BCAS3: variants seen among roughly 807,000 people sequenced by gnomAD.
The protein encoded by BCAS3 is BCAS4/BCAS3 fusion.
BCAS3 carries 53 observed loss-of-function variants against 116.1 expected under a neutral mutation model. That is an observed-to-expected ratio of 0.46 (90% CI 0.37 to 0.57). BCAS3 has a LOEUF of 0.57. Among genes scored for constraint, BCAS3 ranks in the 20% least tolerant of loss-of-function variants. The pLI is 0.00. For synonymous variants in BCAS3, 391 were observed against 408.2 expected (o/e 0.96, Z 0.51); for missense variants, 917 against 1,165.4 (o/e 0.79, Z 3.10).
At chr17:61,289,541 G>C (rs955777471) in intron 22 of BCAS3, among the ~76,000 whole-genome samples, 2 of 152,180 alleles carry the variant, frequency 1.3e-5, no homozygotes, top group Non-Finnish European at 2.9e-5. Context: ...TGTGGAGTAA[G>C]AGGGACGCCA....
rs1370896548 is a variant in BCAS3 at position 61,378,742 on chromosome 17, G to A, written c.2593+10248G>A. 1 of 152,210 alleles carries A rather than the reference G, an allele frequency of 6.6e-6. No individual in the cohort carries two copies. The highest frequency in any genetic ancestry group is 1.5e-5 in the Non-Finnish European group (1 of 68,054). 9.4% of individuals were successfully genotyped at this position (152,210 alleles called of 1,614,324 possible). A position where few individuals can be genotyped will look rare whatever the true frequency, so the allele number is the denominator to read the frequency against. ...GTAAATGAAAGCCAGTCAAAGCAAT[G>A]GGAATAGTTATTGATTAAAAGTCAC... On this transcript the variant is annotated intron_variant, in intron 23 of 23. Coordinates refer to ENST00000407086, the MANE Select transcript of BCAS3 (RefSeq NM_017679.5). The surrounding 1 kb of genome is among the most constrained non-coding windows in gnomAD (Gnocchi z 5.8).
chr17:60,786,838 A>T (rs889251307), intron 6 of BCAS3, among the ~76,000 whole-genome samples: 3 of 152,262 alleles, frequency 2.0e-5, no homozygotes, highest in East Asian at 1.9e-4. Flanking sequence ...ATGTTTTATT[A>T]TCGACAATCC....
chr17:60,681,176 G>C (rs1481376996), intron 2 of BCAS3, among the ~76,000 whole-genome samples: 1 of 152,154 alleles, frequency 6.6e-6, no homozygotes, highest in Non-Finnish European at 1.5e-5. Flanking sequence ...TTACACTCCA[G>C]CCTAGGTGAC....
chr17:61,151,859 C>T lies in BCAS3; in HGVS notation c.2425+67295C>T, dbSNP rs1271168137. On this transcript the variant is annotated intron_variant, in intron 22 of 23. Transcript: ENST00000407086. The surrounding 1 kb of genome is among the most constrained non-coding windows in gnomAD (Gnocchi z 4.8). Reference sequence around the variant, plus strand: ...ACCACAGGCTTTTCATGCCAATACTCCTCCTGCAAACGTGAATGTTCCTAA... The same window carrying T: ...ACCACAGGCTTTTCATGCCAATACTTCTCCTGCAAACGTGAATGTTCCTAA... 6.6e-6 allele frequency among the ~76,000 whole-genome samples: 1 copy of T among 152,148 alleles called. No individual in the cohort carries two copies. The highest frequency in any genetic ancestry group is 2.4e-5 in the African/African-American group (1 of 41,426).
intron 6 of BCAS3, among the ~76,000 whole-genome samples, chr17:60,774,286 C>T (rs944212000): frequency 2.8e-4 from 42 of 152,126 alleles, no homozygotes; most frequent in Non-Finnish European, 1.0e-4. Flanking sequence ...GCATTTTTCA[C>T]TTACAATTTG....
At chr17:61,015,974 T>C in intron 16 of BCAS3, 73 bp downstream of exon 16, 1 of 1,442,056 alleles carries the variant, frequency 6.9e-7, no homozygotes, top group Non-Finnish European at 9.5e-7. Flanking sequence ...AAACATACTT[T>C]TTCTTTGTGT....
intron 18 of BCAS3, among the ~76,000 whole-genome samples, chr17:61,038,409 C>T (rs2067217370): frequency 1.3e-5 from 2 of 151,550 alleles, no homozygotes; most frequent in Non-Finnish European, 2.9e-5. Context: ...CACGCCACCA[C>T]ACCTAGCTAA....
In BCAS3 at chr17:61,007,446, A is replaced by T. The variant is rs2064794571; in HGVS notation, c.1487-8305A>T. 6.6e-6 allele frequency among the ~76,000 whole-genome samples: 1 copy of T among 152,054 alleles called. No homozygotes were observed. Among genetic ancestry groups the T allele is most frequent in the African/African-American group, 2.4e-5 (1 of 41,418 alleles). ...AGCTTTAAGAAAAGAAAAATACTTA[A>T]ATTTGTATGTTGTAGTAGCCAACAC... On this transcript the variant is annotated intron_variant, in intron 15 of 23. Coordinates refer to ENST00000407086, the MANE Select transcript of BCAS3 (RefSeq NM_017679.5). This position sits in a 1 kb window ranked among gnomAD's most constrained non-coding sequence, Gnocchi z 4.3.
chr17:61,385,755 G>T (rs2059816896), intron 23 of BCAS3, among the ~76,000 whole-genome samples: 1 of 152,270 alleles, frequency 6.6e-6, no homozygotes, highest in Non-Finnish European at 1.5e-5. Flanking sequence ...AGAGCTGAGA[G>T]GTGGATGCAG....
At chr17:61,342,902 A>G (rs1343875008) in intron 22 of BCAS3, among the ~76,000 whole-genome samples, 2 of 152,106 alleles carry the variant, frequency 1.3e-5, no homozygotes, top group Non-Finnish European at 2.9e-5. Context: ...GGCATGTGCC[A>G]CCACATCCAG....
chr17:60,825,572 ATTAT>A (rs1180198541), intron 7 of BCAS3, among the ~76,000 whole-genome samples: 1 of 145,474 alleles, frequency 6.9e-6, no homozygotes, highest in Non-Finnish European at 1.5e-5. Context: ...ATAAATAATT[ATTAT>A]TTATAATAAT....
intron 5 of BCAS3, among the ~76,000 whole-genome samples, chr17:60,736,692 C>T (rs1221258473): frequency 6.6e-6 from 1 of 152,112 alleles, no homozygotes; most frequent in Non-Finnish European, 1.5e-5. Flanking sequence ...GAGTCAATTT[C>T]TTTAATAGGT....
rs1454571931 is a variant in BCAS3, at chr17:61,065,074, G to T, written c.2030-9846G>T. Among the ~76,000 whole-genome samples, 5 of 151,970 alleles carry T rather than the reference G, an allele frequency of 3.3e-5. No individual in the cohort carries two copies. The highest frequency in any genetic ancestry group is 5.9e-5 in the Non-Finnish European group (4 of 67,976). ...TGTGTGTTATTTTTAATCTGAAAGG[G>T]TTCTCCCTTTTTTTAGTCATTTAAA... On this transcript the variant is annotated intron_variant, in intron 19 of 23. Coordinates refer to ENST00000407086, the MANE Select transcript of BCAS3 (RefSeq NM_017679.5). The surrounding 1 kb of genome is among the most constrained non-coding windows in gnomAD (Gnocchi z 4.8).
intron 10 of BCAS3, among the ~76,000 whole-genome samples, chr17:60,900,765 C>T (rs1326364921): frequency 6.6e-6 from 1 of 151,396 alleles, no homozygotes; most frequent in Non-Finnish European, 1.5e-5. Context: ...GAATTTTGCA[C>T]TATTTCTATA....
intron 19 of BCAS3, among the ~76,000 whole-genome samples, chr17:61,070,712 G>A (rs960934142): frequency 7.2e-5 from 11 of 152,058 alleles, no homozygotes; most frequent in African/African-American, 2.7e-4. Flanking sequence ...CCTTCCCACA[G>A]ATAATTTATC....
At chr17:61,374,410 A>G (rs548010224) in intron 23 of BCAS3, among the ~76,000 whole-genome samples, 17 of 152,234 alleles carry the variant, frequency 1.1e-4, no homozygotes, top group South Asian at 4.1e-4. Context: ...ACCTCAAGTG[A>G]TCTGCCTGCC....
intron 3 of BCAS3, 78 bp from the exon 4 acceptor site, chr17:60,689,608 T>C: frequency 9.3e-7 from 1 of 1,078,204 alleles, no homozygotes; most frequent in Non-Finnish European, 1.4e-6. Flanking sequence ...GTGTTGGCTT[T>C]AAGTCACTTT....
At chr17:61,192,246 C>A (rs201142801) in intron 22 of BCAS3, among the ~76,000 whole-genome samples, 36 of 70,670 alleles carry the variant, frequency 5.1e-4, no homozygotes, top group East Asian at 2.2e-3. Context: ...GCTCTGTTAC[C>A]AAAAAAAAAA....
In BCAS3 at chr17:61,227,259, G is replaced by A. The variant is rs1358017228; in HGVS notation, c.2426-141068G>A. On this transcript the variant is annotated intron_variant, in intron 22 of 23. Transcript: ENST00000407086. The surrounding 1 kb of genome is among the most constrained non-coding windows in gnomAD (Gnocchi z 6.1). ...TAGTGCAATTTATGAGTCCTCTTCTGAAAAAAATGCAGATACTCATACATA... is the reference window on the plus strand; with the variant it reads ...TAGTGCAATTTATGAGTCCTCTTCTAAAAAAAATGCAGATACTCATACATA... Among the ~76,000 whole-genome samples, 1 of 152,028 alleles carries A rather than the reference G, an allele frequency of 6.6e-6. No individual in the cohort carries two copies. The highest frequency in any genetic ancestry group is 1.9e-4 in the East Asian group (1 of 5,194).
Sources: allele counts gnomAD v4.1 joint callset (sites outside exome capture counted in the v4.1 genomes callset), GRCh38; gene constraint gnomAD v4.1.1; non-coding constraint Gnocchi (gnomAD v3.1); transcripts MANE v1.5; gene names NCBI Gene and HGNC (gene_info 2026-07-23, HGNC 2026-07-21).